The following PPARGC1B variants were observed in gnomAD, a reference collection of about 807,000 sequenced individuals.
PPARGC1B encodes the protein peroxisome proliferator-activated receptor gamma coactivator 1-beta.
In PPARGC1B, 34 loss-of-function variants were observed where a neutral mutation model predicts 101.6. The ratio of observed to expected loss-of-function variants is 0.33; its 90% CI spans 0.25 to 0.45. PPARGC1B has a LOEUF of 0.45. Among genes scored for constraint, PPARGC1B ranks in the 20% least tolerant of loss-of-function variants. PPARGC1B has a pLI of 1.00. For synonymous variants in PPARGC1B, 548 were observed against 539.3 expected (o/e 1.02, Z -0.22); for missense variants, 1,234 against 1,317.6 (o/e 0.94, Z 0.98).
At chr5:149,806,676 C>T (rs1379616064) in intron 1 of PPARGC1B, among the ~76,000 whole-genome samples, 4 of 150,206 alleles carry the variant, frequency 2.7e-5, no homozygotes, top group African/African-American at 9.8e-5. Context: ...GGTGTGATCT[C>T]GGCTCACTGC....
intron 1 of PPARGC1B, among the ~76,000 whole-genome samples, chr5:149,749,429 G>C (rs1755208272): frequency 6.6e-6 from 1 of 152,172 alleles, no homozygotes; most frequent in South Asian, 2.1e-4. Context: ...CTGCCTGGTT[G>C]AGAAGAGAGA....
chr5:149,811,596 A>C (rs1423912653), intron 1 of PPARGC1B, among the ~76,000 whole-genome samples: 2 of 152,166 alleles, frequency 1.3e-5, no homozygotes, highest in East Asian at 3.9e-4. Flanking sequence ...GGCATTAGTA[A>C]AGGGTGTTAT....
chr5:149,830,010 AG>A (rs1758688223), intron 3 of PPARGC1B, among the ~76,000 whole-genome samples: 1 of 125,902 alleles, frequency 7.9e-6, no homozygotes, highest in Admixed American at 9.7e-5. Flanking sequence ...ACTCCAGCCT[AG>A]GTGACAGAGA....
chr5:149,819,612 C>G (rs1028515852), intron 1 of PPARGC1B, among the ~76,000 whole-genome samples: 1 of 152,188 alleles, frequency 6.6e-6, no homozygotes, highest in Non-Finnish European at 1.5e-5. Context: ...AAGTGATTCT[C>G]ATGCCTCAGT....
intron 7 of PPARGC1B, 40 bp from the exon 8 acceptor site, chr5:149,836,223 G>T: frequency 2.7e-6 from 4 of 1,483,530 alleles, no homozygotes; most frequent in Middle Eastern, 1.8e-4. Context: ...TTGGAGAAGT[G>T]ATCTGTCTTT....
Position 149,826,822 on chromosome 5 carries a change from A to AC in PPARGC1B, c.408dup (p.Ser137GlnfsTer13). The AC allele has an allele frequency of 6.2e-7, 1 of 1,613,282 alleles. No homozygotes were observed. On this transcript the variant is annotated frameshift_variant, in exon 3 of 12. Coordinates refer to ENST00000309241, the MANE Select transcript of PPARGC1B (RefSeq NM_133263.4). LOFTEE classifies it high-confidence loss of function. ...CAGCTTCGCCTGCCCCCTCATCTGC[A>AC]CCCCCCAGCCCTGCCCCGGAGAAGC...
chr5:149,738,578 C>T (rs528680957), intron 1 of PPARGC1B, among the ~76,000 whole-genome samples: 3 of 152,084 alleles, frequency 2.0e-5, no homozygotes, highest in Admixed American at 6.5e-5. Context: ...TTTAAGCCCC[C>T]TCTTGAAAGC....
intron 1 of PPARGC1B, among the ~76,000 whole-genome samples, chr5:149,792,326 C>G (rs72830239): frequency 0.18 from 26,861 of 152,060 alleles, 2,705 homozygotes; most frequent in Middle Eastern, 0.29. Context: ...CAGAAATTTT[C>G]CTCCTTGGGG....
At chr5:149,842,466 T>G (rs975746808) in intron 10 of PPARGC1B, 89 bp downstream of exon 10, 4 of 1,552,450 alleles carry the variant, frequency 2.6e-6, no homozygotes, top group Admixed American at 1.7e-5. Context: ...TGCCCAAGAT[T>G]TGTGAAATGA....
rs1046971159 is a variant in PPARGC1B at position 149,849,750 on chromosome 5, G to C, written c.*2192G>C. 2 of 152,166 alleles carry C rather than the reference G, an allele frequency of 1.3e-5. No homozygotes were observed. Among genetic ancestry groups the C allele is most frequent in the Non-Finnish European group, 2.9e-5 (2 of 68,050 alleles). The allele number at this position is 152,166 out of a possible 1,614,324, so 9.4% of individuals were successfully genotyped here. A position where few individuals can be genotyped will look rare whatever the true frequency, so the allele number is the denominator to read the frequency against. On this transcript the variant is annotated 3_prime_UTR_variant, in exon 12 of 12. Coordinates refer to ENST00000309241, the MANE Select transcript of PPARGC1B (RefSeq NM_133263.4). ...AAAACTCCCCTAATGCTATTCCATG[G>C]CGTAACACTCCCAATACTATTTTGA... is the stretch of plus-strand genomic sequence containing the variant.
At chr5:149,835,253 C>A in intron 6 of PPARGC1B, 48 bp from the exon 7 acceptor site, 1 of 1,575,032 alleles carries the variant, frequency 6.3e-7, no homozygotes, top group Non-Finnish European at 8.7e-7. Context: ...AGGTGGATGC[C>A]TGCTGCTGAC....
At chr5:149,784,712 C>T (rs1368466137) in intron 1 of PPARGC1B, among the ~76,000 whole-genome samples, 6 of 151,900 alleles carry the variant, frequency 3.9e-5, no homozygotes, top group African/African-American at 7.3e-5. Context: ...GGACTACAGG[C>T]GCCCGCCACC....
At chr5:149,813,177 C>T (rs1313829530) in intron 1 of PPARGC1B, among the ~76,000 whole-genome samples, 1 of 152,124 alleles carries the variant, frequency 6.6e-6, no homozygotes, top group African/African-American at 2.4e-5. Context: ...GAACAGTGAG[C>T]CCAGTGCTGT....
rs190453796 is a variant in PPARGC1B at position 149,802,130 on chromosome 5, T to G, written c.79-18303T>G. Among the ~76,000 whole-genome samples, 59 of 152,302 alleles carry G rather than the reference T, an allele frequency of 3.9e-4. No individual in the cohort carries two copies. In the East Asian group the frequency reaches 0.011, roughly 28 times the overall value. ...AGTTCACTTTGACCCTTCTCAGGAC[T>G]TGGCCCAAGGCCCCAGCTTCTGTCT... On this transcript the variant is annotated intron_variant, in intron 1 of 11. Coordinates refer to ENST00000309241, the MANE Select transcript of PPARGC1B (RefSeq NM_133263.4).
At chr5:149,813,844 G>A (rs576720103) in intron 1 of PPARGC1B, among the ~76,000 whole-genome samples, 54 of 152,314 alleles carry the variant, frequency 3.5e-4, no homozygotes, top group African/African-American at 1.3e-3. Flanking sequence ...ATCTGGTGAG[G>A]ACGCATTTCC....
intron 1 of PPARGC1B, among the ~76,000 whole-genome samples, chr5:149,759,711 A>T (rs996781271): frequency 6.6e-6 from 1 of 152,142 alleles, no homozygotes; most frequent in South Asian, 2.1e-4. Context: ...GTTGAAAATG[A>T]CCCACATCCT....
At chr5:149,731,744 T>A (rs1026961874) in intron 1 of PPARGC1B, among the ~76,000 whole-genome samples, 8 of 152,200 alleles carry the variant, frequency 5.3e-5, no homozygotes, top group African/African-American at 1.9e-4. Context: ...GCTGACTCCT[T>A]GCGGTGAAAC....
At chr5:149,801,562 A>G (rs147603399) in intron 1 of PPARGC1B, among the ~76,000 whole-genome samples, 8 of 152,256 alleles carry the variant, frequency 5.3e-5, no homozygotes, top group Middle Eastern at 3.4e-3. Flanking sequence ...TGGGACAGGG[A>G]GGCAGGAGAC....
chr5:149,795,585 A>G (rs1159643797), intron 1 of PPARGC1B, among the ~76,000 whole-genome samples: 1 of 152,104 alleles, frequency 6.6e-6, no homozygotes, highest in African/African-American at 2.4e-5. Context: ...AGGGCACCAA[A>G]TGCAAATCTG....
Sources: allele counts gnomAD v4.1 joint callset (sites outside exome capture counted in the v4.1 genomes callset), GRCh38; gene constraint gnomAD v4.1.1; transcripts MANE v1.5; gene names NCBI Gene and HGNC (gene_info 2026-07-23, HGNC 2026-07-21).